LIN54: variants seen among roughly 807,000 people sequenced by gnomAD.
LIN54 encodes lin-54 DREAM MuvB core complex component.
In LIN54, 9 loss-of-function variants were observed where a neutral mutation model predicts 78.7. That is an observed-to-expected ratio of 0.11 (90% CI 0.07 to 0.20). The LOEUF (loss-of-function observed/expected upper bound fraction) is 0.20, where lower values mean the gene tolerates loss of function less well. LIN54 is among the 10% of genes least tolerant of loss of function. The pLI is 1.00. For synonymous variants in LIN54, 269 were observed against 318.4 expected (o/e 0.84, Z 1.65); for missense variants, 573 against 889.9 (o/e 0.64, Z 4.53).
At chr4:82,999,154 T>G (rs1728517150) in intron 1 of LIN54, among the ~76,000 whole-genome samples, 1 of 152,202 alleles carries the variant, frequency 6.6e-6, no homozygotes, top group African/African-American at 2.4e-5. Flanking sequence ...TGATCTCCCA[T>G]ATTTTTCATT....
At chr4:82,955,380 A>G (rs1188995715) in intron 4 of LIN54, among the ~76,000 whole-genome samples, 1 of 148,550 alleles carries the variant, frequency 6.7e-6, no homozygotes, top group African/African-American at 2.6e-5. Flanking sequence ...ATAACATAAC[A>G]TAACATAACA....
rs1393837463 is a variant in LIN54, at chr4:82,937,275, C to G, written c.1556G>C (p.Ser519Thr). 6.3e-7 allele frequency: 1 copy of G among 1,589,632 alleles called. No homozygotes were observed. The highest frequency in any genetic ancestry group is 8.6e-7 in the Non-Finnish European group (1 of 1,157,750). The change falls in exon 9 of 13, where the codon AGT (serine) becomes ACT (threonine). Residue 519 changes from serine to threonine, a missense_variant. Around this residue, in one of 6 missense-constraint regions of LIN54, gnomAD observed 101 missense variants for 194.2 expected, o/e 0.52. Coordinates refer to ENST00000340417, the MANE Select transcript of LIN54 (RefSeq NM_194282.4). ...ACAATTACAGGGCTTTCGGGGCCGA[C>G]TGGCCGACTCTGATGGGATTATGCT... ...FNGIIPSESA[S>T]RPRKPCNCTK...
intron 4 of LIN54, among the ~76,000 whole-genome samples, chr4:82,955,928 T>G (rs1468599898): frequency 2.0e-5 from 3 of 152,094 alleles, no homozygotes; most frequent in African/African-American, 4.8e-5. Context: ...GGATGAAAGG[T>G]ACATGGGGGT....
At chr4:83,002,886 T>C (rs1002295887) in intron 1 of LIN54, among the ~76,000 whole-genome samples, 2 of 152,234 alleles carry the variant, frequency 1.3e-5, no homozygotes, top group African/African-American at 4.8e-5. Context: ...AAACATTATA[T>C]GCATATGTGG....
intron 1 of LIN54, among the ~76,000 whole-genome samples, chr4:82,997,359 C>CA (rs1267694478): frequency 1.3e-5 from 2 of 152,092 alleles, no homozygotes; most frequent in African/African-American, 4.8e-5. Flanking sequence ...TTTTAATACT[C>CA]AAATTTAGCT....
intron 5 of LIN54, among the ~76,000 whole-genome samples, chr4:82,940,524 C>A (rs1722764598): frequency 6.6e-6 from 1 of 152,142 alleles, no homozygotes; most frequent in South Asian, 2.1e-4. Context: ...TCCCAAGTAC[C>A]CGAAGTTACA....
intron 7 of LIN54, 23 bp downstream of exon 7, chr4:82,939,516 A>G: frequency 1.3e-6 from 2 of 1,595,512 alleles, no homozygotes; most frequent in Non-Finnish European, 1.7e-6. Flanking sequence ...TTGCAATACA[A>G]TGACTTCATT....
At chr4:82,991,619 A>T (rs1727716489) in intron 1 of LIN54, among the ~76,000 whole-genome samples, 1 of 152,196 alleles carries the variant, frequency 6.6e-6, no homozygotes, top group African/African-American at 2.4e-5. Flanking sequence ...TCTGTTAGTT[A>T]TAGGTTTCCA....
At chr4:82,945,003 A>G (rs1297549458) in intron 5 of LIN54, among the ~76,000 whole-genome samples, 2 of 152,168 alleles carry the variant, frequency 1.3e-5, no homozygotes, top group African/African-American at 4.8e-5. Context: ...CTGGGATCAC[A>G]GGCACGCGCC....
intron 4 of LIN54, among the ~76,000 whole-genome samples, chr4:82,969,564 G>C (rs1725478546): frequency 6.6e-6 from 1 of 152,008 alleles, no homozygotes; most frequent in South Asian, 2.1e-4. Context: ...ACCAACACCT[G>C]GACTTTAAAA....
chr4:82,925,651 GGTT>G lies in LIN54; in HGVS notation c.*2448_*2450del, dbSNP rs1400707477. On this transcript the variant is annotated 3_prime_UTR_variant, in exon 13 of 13. Transcript: ENST00000340417. Reference sequence around the variant, plus strand: ...CAAATTTACTTCAGATAATTTAAAAGGTTTTTTGCATATTAAATGGTTAATAAA... The same window carrying G: ...CAAATTTACTTCAGATAATTTAAAAGTTTTGCATATTAAATGGTTAATAAA... 6.6e-6 allele frequency: 1 copy of G among 152,554 alleles called. No individual in the cohort carries two copies. The highest frequency in any genetic ancestry group is 2.4e-5 in the African/African-American group (1 of 41,448). 9.5% of individuals were successfully genotyped at this position (152,554 alleles called of 1,614,324 possible). A position where few individuals can be genotyped will look rare whatever the true frequency, so the allele number is the denominator to read the frequency against.
chr4:82,934,028 T>C (rs1487416077), intron 11 of LIN54, among the ~76,000 whole-genome samples: 1 of 152,186 alleles, frequency 6.6e-6, no homozygotes, highest in African/African-American at 2.4e-5. Context: ...GGCTATTTCA[T>C]CAGGTATTCA....
intron 5 of LIN54, among the ~76,000 whole-genome samples, chr4:82,940,256 A>G (rs1356332544): frequency 1.3e-5 from 2 of 152,246 alleles, no homozygotes; most frequent in African/African-American, 4.8e-5. Flanking sequence ...TGATTTATAC[A>G]TTCAGTACTA....
intron 5 of LIN54, among the ~76,000 whole-genome samples, chr4:82,941,031 T>C (rs1722819069): frequency 6.6e-6 from 1 of 152,062 alleles, no homozygotes; most frequent in African/African-American, 2.4e-5. Flanking sequence ...TCAGGAAAAC[T>C]AAAGCACTAG....
At chr4:83,010,454 G>C in intron 1 of LIN54, 30 bp downstream of exon 1, 1 of 841,174 alleles carries the variant, frequency 1.2e-6, no homozygotes, top group Non-Finnish European at 1.4e-6. Context: ...TCCGGACAGA[G>C]AAGCCCTCGG....
In LIN54 at chr4:82,964,972, T is replaced by C. The variant is rs960700120; in HGVS notation, c.951+5355A>G. On this transcript the variant is annotated intron_variant, in intron 4 of 12. Transcript: ENST00000340417. The stretch of plus-strand genomic sequence containing the variant: ...AAGATCGCGCCACTGCACTCCAGCA[T>C]GGGCAACAGAGGTGAGAGTCCGTCT... Among the ~76,000 whole-genome samples, 10 of 152,126 alleles carry C rather than the reference T, an allele frequency of 6.6e-5. No homozygotes were observed. The East Asian group carries it at 1.9e-3, about 29-fold the overall frequency.
intron 12 of LIN54, among the ~76,000 whole-genome samples, chr4:82,929,529 G>A (rs1372835556): frequency 6.6e-6 from 1 of 152,102 alleles, no homozygotes; most frequent in Non-Finnish European, 1.5e-5. Context: ...TTAAGGCCAG[G>A]CATGGTAGCT....
intron 6 of LIN54, 51 bp downstream of exon 6, chr4:82,939,838 A>C: frequency 6.3e-7 from 1 of 1,589,814 alleles, no homozygotes; most frequent in Non-Finnish European, 8.6e-7. Flanking sequence ...CTATTTAAAA[A>C]GTAAATCGTC....
In LIN54 at chr4:82,978,905, T is replaced by G; in HGVS notation, c.786A>C (p.Gln262His). Residue 262 changes from glutamine to histidine, a missense_variant, in exon 3 of 13, where the codon CAA becomes CAC. Coordinates refer to ENST00000340417, the MANE Select transcript of LIN54 (RefSeq NM_194282.4). ...AACCTGCAATAACTGGTGGTGAAAC[T>G]TGAGTTGTCTGTCCTGTAACTGCTT... ...NSKAVTGQTT[Q>H]VSPPVIAGRV... The G allele has an allele frequency of 6.4e-7, 1 of 1,564,632 alleles. No individual in the cohort carries two copies. Among genetic ancestry groups the G allele is most frequent in the Non-Finnish European group, 8.8e-7 (1 of 1,140,628 alleles).
Sources: allele counts gnomAD v4.1 joint callset (sites outside exome capture counted in the v4.1 genomes callset), GRCh38; gene constraint gnomAD v4.1.1; regional missense constraint gnomAD v4.1.1; transcripts MANE v1.5; gene names NCBI Gene and HGNC (gene_info 2026-07-23, HGNC 2026-07-21).